The following FLYWCH2 variants were observed in gnomAD, a reference collection of about 807,000 sequenced individuals.
FLYWCH2 encodes the protein FLYWCH family member 2.
A neutral mutation model predicts 6.0 loss-of-function variants in FLYWCH2; 2 were observed. The ratio of observed to expected loss-of-function variants is 0.33; its 90% CI spans 0.14 to 1.04. The LOEUF (loss-of-function observed/expected upper bound fraction) is 1.04, where lower values mean the gene tolerates loss of function less well. FLYWCH2 is among the 50% of genes least tolerant of loss of function. The pLI, the probability that FLYWCH2 is intolerant of heterozygous loss-of-function variation, is 0.45. For synonymous variants in FLYWCH2, 87 were observed against 79.3 expected (o/e 1.10, Z -0.52); for missense variants, 192 against 183.4 (o/e 1.05, Z -0.27).
chr16:2,896,864 A>C, intron 3 of FLYWCH2, 93 bp downstream of exon 3: 1 of 1,209,674 alleles, frequency 8.3e-7, no homozygotes, highest in Non-Finnish European at 1.1e-6. Context: ...TCTCCCTGGC[A>C]TGCGGGTCCT....
chr16:2,888,506 C>T (rs1018472210), intron 1 of FLYWCH2, among the ~76,000 whole-genome samples: 12 of 143,156 alleles, frequency 8.4e-5, no homozygotes, highest in African/African-American at 7.8e-5. Context: ...AAAAAAAAGC[C>T]AGCTGGAATT....
At chr16:2,887,379 C>A (rs2069711034) in intron 1 of FLYWCH2, among the ~76,000 whole-genome samples, 1 of 148,062 alleles carries the variant, frequency 6.8e-6, no homozygotes, top group African/African-American at 2.5e-5. Context: ...CAGGCTAGAC[C>A]TGAACTCCCG....
chr16:2,894,872 T>G (rs1336852300), intron 1 of FLYWCH2, among the ~76,000 whole-genome samples: 1 of 152,158 alleles, frequency 6.6e-6, no homozygotes, highest in African/African-American at 2.4e-5. Flanking sequence ...GTGCTGGGCA[T>G]GGACCCCTCA....
At chr16:2,888,797 T>C (rs2069725653) in intron 1 of FLYWCH2, among the ~76,000 whole-genome samples, 1 of 152,074 alleles carries the variant, frequency 6.6e-6, no homozygotes, top group Non-Finnish European at 1.5e-5. Context: ...TTCATAACCT[T>C]CACTTCTCTG....
chr16:2,898,504 G>T (rs987022826), intron 3 of FLYWCH2, among the ~76,000 whole-genome samples: 1 of 152,214 alleles, frequency 6.6e-6, no homozygotes, highest in Non-Finnish European at 1.5e-5. Context: ...GGGCAGAGGG[G>T]GTTGGAGTCT....
chr16:2,896,397 A>G lies in FLYWCH2; in HGVS notation c.-53A>G, dbSNP rs1397180935. 2 of 1,539,578 alleles carry G rather than the reference A, an allele frequency of 1.3e-6. No individual in the cohort carries two copies. Among genetic ancestry groups the G allele is most frequent in the African/African-American group, 1.4e-5 (1 of 72,648 alleles). On this transcript the variant is annotated 5_prime_UTR_variant, in exon 3 of 4. Transcript: ENST00000396958. ...GGTTCCTTGCCTGGGAGTAGGAGAA[A>G]TCCACCTGCTGGGGGCTGAGTGTGG... is the stretch of plus-strand genomic sequence containing the variant.
At chr16:2,889,887 C>A (rs1338783219) in intron 1 of FLYWCH2, among the ~76,000 whole-genome samples, 1 of 152,036 alleles carries the variant, frequency 6.6e-6, no homozygotes, top group Non-Finnish European at 1.5e-5. Context: ...GAGTTCGAGA[C>A]CAGTCTGGAC....
chr16:2,897,037 T>C, intron 3 of FLYWCH2: 1 of 556,116 alleles, frequency 1.8e-6, no homozygotes, highest in South Asian at 2.4e-5. Context: ...CAAGGGAGGG[T>C]CTGAGGGTGC....
At position 2,899,161 on chromosome 16, in the gene FLYWCH2, GGC is replaced by G. The variant is rs1431410772; in HGVS notation, c.*15_*16del. 1.2e-6 allele frequency: 2 copies of G among 1,606,606 alleles called. No individual in the cohort carries two copies. The highest frequency in any genetic ancestry group is 1.7e-6 in the Non-Finnish European group (2 of 1,175,750). On this transcript the variant is annotated 3_prime_UTR_variant, in exon 4 of 4. Transcript: ENST00000396958. ...GCAAGTCCCTGTAACCTTGACAACA[GGC>G]GCATCCTCCCAGGCCACCAACCCAG...
chr16:2,892,096 G>A (rs1246686300), intron 1 of FLYWCH2, among the ~76,000 whole-genome samples: 1 of 152,050 alleles, frequency 6.6e-6, no homozygotes, highest in African/African-American at 2.4e-5. Context: ...GGAGGCTGAG[G>A]CAGGAGAATT....
chr16:2,885,880 A>G (rs1400729529), intron 1 of FLYWCH2, among the ~76,000 whole-genome samples: 1 of 152,166 alleles, frequency 6.6e-6, no homozygotes, highest in Non-Finnish European at 1.5e-5. Flanking sequence ...GGGTAACTCT[A>G]CATTTAACCT....
chr16:2,892,301 C>T (rs1005976614), intron 1 of FLYWCH2, among the ~76,000 whole-genome samples: 1 of 150,326 alleles, frequency 6.7e-6, no homozygotes, highest in African/African-American at 2.4e-5. Flanking sequence ...TCGAGACCAG[C>T]TTGGCCAACA....
intron 1 of FLYWCH2, among the ~76,000 whole-genome samples, chr16:2,889,336 G>A (rs1217319110): frequency 6.7e-6 from 1 of 148,880 alleles, no homozygotes; most frequent in Non-Finnish European, 1.5e-5. Flanking sequence ...TCAGCCTCCC[G>A]AGTAGCTGGG....
chr16:2,883,783 A>G (rs893189479), intron 1 of FLYWCH2, among the ~76,000 whole-genome samples: 10 of 152,174 alleles, frequency 6.6e-5, no homozygotes, highest in African/African-American at 2.4e-4. Context: ...GGGTGTGGGT[A>G]TTCTTGAGAG....
chr16:2,894,027 T>C (rs940184654), intron 1 of FLYWCH2, among the ~76,000 whole-genome samples: 2 of 152,102 alleles, frequency 1.3e-5, no homozygotes, highest in Non-Finnish European at 2.9e-5. Context: ...GTGCCAAATA[T>C]TAGGTTGGTG....
rs1323980798 is a variant in FLYWCH2, at chr16:2,895,222, C to G, written c.-197C>G. On this transcript the variant is annotated splice_region_variant and 5_prime_UTR_variant, in exon 2 of 4. Transcript: ENST00000396958. Reference sequence around the variant, plus strand: ...ACCCATCCTTTCTGCTTCTCCAGGCCAGAAGCCAAGGAGTCCTCAGTGACG... The same window carrying G: ...ACCCATCCTTTCTGCTTCTCCAGGCGAGAAGCCAAGGAGTCCTCAGTGACG... The G allele has an allele frequency of 6.6e-6, 1 of 152,364 alleles. No homozygotes were observed. Among genetic ancestry groups the G allele is most frequent in the Non-Finnish European group, 1.5e-5 (1 of 68,188 alleles). The allele number at this position is 152,364 out of a possible 1,614,324, so 9.4% of individuals were successfully genotyped here. A position where few individuals can be genotyped will look rare whatever the true frequency, so the allele number is the denominator to read the frequency against.
At chr16:2,898,669 A>G in intron 3 of FLYWCH2, 1 of 182,992 alleles carries the variant, frequency 5.5e-6, no homozygotes, top group Non-Finnish European at 1.1e-5. Flanking sequence ...CGCCAGATGA[A>G]AGGCAGAGCA....
intron 1 of FLYWCH2, among the ~76,000 whole-genome samples, chr16:2,894,226 C>G (rs544340030): frequency 2.0e-5 from 3 of 152,242 alleles, no homozygotes; most frequent in South Asian, 4.1e-4. Context: ...ACTGCTGTAT[C>G]TTGCAGGAAT....
chr16:2,896,865 T>C (rs2069828172), intron 3 of FLYWCH2, 94 bp downstream of exon 3: 9 of 1,191,538 alleles, frequency 7.6e-6, no homozygotes, highest in Non-Finnish European at 1.0e-5. Context: ...CTCCCTGGCA[T>C]GCGGGTCCTT....
Sources: allele counts gnomAD v4.1 joint callset (sites outside exome capture counted in the v4.1 genomes callset), GRCh38; gene constraint gnomAD v4.1.1; transcripts MANE v1.5; gene names NCBI Gene and HGNC (gene_info 2026-07-23, HGNC 2026-07-21).